Variants in AFDN observed in about 807,000 individuals in gnomAD.
AFDN encodes afadin, adherens junction formation factor, also known as afadin.
In AFDN, 68 loss-of-function variants were observed where a neutral mutation model predicts 216.6. The ratio of observed to expected loss-of-function variants is 0.31; its 90% CI spans 0.26 to 0.38. The LOEUF (loss-of-function observed/expected upper bound fraction) is 0.38. Ranked by LOEUF, AFDN falls within the 10% of genes least tolerant of loss-of-function variation. AFDN has a pLI of 1.00. For missense variants in AFDN, 2,136 were observed against 2,342.0 expected (o/e 0.91, Z 1.82); for synonymous variants, 868 against 853.7 (o/e 1.02, Z -0.29).
chr6:167,943,159 G>C lies in AFDN; in HGVS notation c.3130G>C (p.Val1044Leu), dbSNP rs1291047306. The change falls in exon 24 of 34, where the codon GTG becomes CTG. Residue 1044 changes from valine (V) to leucine (L), a missense_variant. This residue lies in a region of AFDN where 74 missense variants were observed against 98.8 expected (regional missense o/e 0.75). Coordinates refer to ENST00000683244, the MANE Select transcript of AFDN (RefSeq NM_001386888.1). Reference sequence around the variant, plus strand: ...TGGTCAAGATAAACTAGGAATCTATGTGAAGTCGGTTGTGAAAGGAGGTGC... The same window carrying C: ...TGGTCAAGATAAACTAGGAATCTATCTGAAGTCGGTTGTGAAAGGAGGTGC... ...GAGQDKLGIY[V>L]KSVVKGGAAD... The C allele has an allele frequency of 6.2e-7, 1 of 1,613,810 alleles. No individual in the cohort carries two copies. The highest frequency in any genetic ancestry group is 8.5e-7 in the Non-Finnish European group (1 of 1,179,924).
At chr6:167,955,081 T>G (rs1796360024) in intron 30 of AFDN, among the ~76,000 whole-genome samples, 1 of 152,182 alleles carries the variant, frequency 6.6e-6, no homozygotes, top group African/African-American at 2.4e-5. Context: ...ATTGTCATAT[T>G]GGGGAAGTTT....
At chr6:167,831,015 C>G (rs780597892) in intron 1 of AFDN, among the ~76,000 whole-genome samples, 7 of 137,566 alleles carry the variant, frequency 5.1e-5, no homozygotes, top group Non-Finnish European at 9.1e-5. Flanking sequence ...GATCTCAGCT[C>G]ATTACAACCT....
chr6:167,890,176 G>A (rs1024758938), intron 7 of AFDN, among the ~76,000 whole-genome samples: 2 of 152,222 alleles, frequency 1.3e-5, no homozygotes, highest in African/African-American at 2.4e-5. Context: ...AATGTAGATT[G>A]GTAGTTTTAA....
At chr6:167,886,184 T>C (rs1166209307) in intron 6 of AFDN, among the ~76,000 whole-genome samples, 1 of 152,102 alleles carries the variant, frequency 6.6e-6, no homozygotes, top group East Asian at 1.9e-4. Context: ...ACAGCAAAGC[T>C]CATTTCATTG....
chr6:167,896,589 C>T lies in AFDN; in HGVS notation c.1223-289C>T, dbSNP rs542930979. Among the ~76,000 whole-genome samples, 10 of 152,302 alleles carry T rather than the reference C, an allele frequency of 6.6e-5. No individual in the cohort carries two copies. In the South Asian group the frequency reaches 1.5e-3, roughly 22 times the overall value. ...GTTGCTCCTCAGAATCATTAACAAACGTCCAGGGCAGTGCGGTAGAGAAGC... is the reference window on the plus strand; with the variant it reads ...GTTGCTCCTCAGAATCATTAACAAATGTCCAGGGCAGTGCGGTAGAGAAGC... On this transcript the variant is annotated intron_variant, in intron 9 of 33. Transcript: ENST00000683244.
At chr6:167,835,812 A>G (rs1013227535) in intron 1 of AFDN, among the ~76,000 whole-genome samples, 1 of 152,188 alleles carries the variant, frequency 6.6e-6, no homozygotes, top group Non-Finnish European at 1.5e-5. Context: ...AGGGTCTCAG[A>G]GAACCTTGGG....
In AFDN at chr6:167,917,219, C is replaced by G. The variant is rs1791194031; in HGVS notation, c.2696C>G (p.Pro899Arg). 6.3e-7 allele frequency: 1 copy of G among 1,598,318 alleles called. No individual in the cohort carries two copies. The highest frequency in any genetic ancestry group is 8.5e-7 in the Non-Finnish European group (1 of 1,174,632). ...LQNYHCAPDE[P>R]FIPTDLIENV... ...AACTATCACTGTGCACCTGATGAGC[C>G]TTTTATCCCAACGGTGAGTGGATGT... The change falls in exon 20 of 34, where the codon CCT (proline) becomes CGT (arginine). Residue 899 changes from proline to arginine, a missense_variant. Around this residue, in one of 8 missense-constraint regions of AFDN, gnomAD observed 162 missense variants for 182.6 expected, o/e 0.89. Transcript: ENST00000683244.
chr6:167,923,868 G>A (rs1262998744), intron 22 of AFDN, among the ~76,000 whole-genome samples: 2 of 151,406 alleles, frequency 1.3e-5, no homozygotes, highest in Admixed American at 6.6e-5. Flanking sequence ...CAAATGATTC[G>A]CCCACCTCAG....
intron 23 of AFDN, among the ~76,000 whole-genome samples, chr6:167,928,076 C>T (rs1187544320): frequency 1.3e-5 from 2 of 152,164 alleles, no homozygotes; most frequent in African/African-American, 4.8e-5. Context: ...TCAGTGTCCA[C>T]CTCTTCCAGT....
chr6:167,827,345 C>CT lies in AFDN; in HGVS notation c.105+109dup, dbSNP rs1341404199. 90 of 102,110 alleles carry CT rather than the reference C, an allele frequency of 8.8e-4. 1 individual carries two copies. Among genetic ancestry groups the CT allele is most frequent in the Non-Finnish European group, 1.1e-3 (84 of 73,556 alleles). The allele number at this position is 102,110 out of a possible 1,614,324, so 6.3% of individuals were successfully genotyped here. On this transcript the variant is annotated intron_variant, in intron 1 of 33. Coordinates refer to ENST00000683244, the MANE Select transcript of AFDN (RefSeq NM_001386888.1). Reference sequence around the variant, plus strand: ...GCCGCGGACCCGCCCTCCTTTCCCCCTCCCCCCTCCGCCCCTTCTCTCCCC... The same window carrying CT: ...GCCGCGGACCCGCCCTCCTTTCCCCCTTCCCCCCTCCGCCCCTTCTCTCCCC...
At chr6:167,831,645 G>A (rs139326714) in intron 1 of AFDN, among the ~76,000 whole-genome samples, 215 of 152,308 alleles carry the variant, frequency 1.4e-3, no homozygotes, top group African/African-American at 4.8e-3. Flanking sequence ...AACTGTGATT[G>A]TGGTTAAATT....
chr6:167,847,893 C>T (rs986373899), intron 1 of AFDN, among the ~76,000 whole-genome samples: 23 of 152,086 alleles, frequency 1.5e-4, no homozygotes, highest in African/African-American at 5.3e-4. Context: ...TGTACCTTGA[C>T]CTACAAACCT....
At chr6:167,913,324 A>T in intron 15 of AFDN, 79 bp from the exon 16 acceptor site, 1 of 1,410,546 alleles carries the variant, frequency 7.1e-7, no homozygotes, top group Non-Finnish European at 9.7e-7. Flanking sequence ...TAGTGTTTTG[A>T]TTTTTTTAAA....
At chr6:167,829,542 C>T (rs976723798) in intron 1 of AFDN, among the ~76,000 whole-genome samples, 1 of 152,014 alleles carries the variant, frequency 6.6e-6, no homozygotes, top group Admixed American at 6.5e-5. Context: ...TGTACTGGTC[C>T]TTATCAGATG....
intron 23 of AFDN, among the ~76,000 whole-genome samples, chr6:167,933,055 A>G (rs1419139840): frequency 3.3e-5 from 5 of 152,228 alleles, no homozygotes; most frequent in African/African-American, 7.2e-5. Flanking sequence ...TTTAAATATG[A>G]TAACTGCCGC....
intron 30 of AFDN, among the ~76,000 whole-genome samples, chr6:167,953,954 T>C (rs1796257939): frequency 6.6e-6 from 1 of 152,262 alleles, no homozygotes. Flanking sequence ...CTTATTGTTA[T>C]AACTGTATCC....
intron 30 of AFDN, among the ~76,000 whole-genome samples, chr6:167,961,997 C>A (rs575549880): frequency 5.7e-4 from 87 of 152,270 alleles, no homozygotes; most frequent in African/African-American, 1.9e-3. Context: ...CCTCCCTCTT[C>A]TACAAGATAT....
Position 167,935,841 on chromosome 6 carries a change from G to A in AFDN, c.3100-7288G>A, listed in dbSNP as rs187515459. 7.9e-5 allele frequency among the ~76,000 whole-genome samples: 12 copies of A among 151,654 alleles called. No homozygotes were observed. The East Asian group carries it at 1.9e-3, about 24-fold the overall frequency. ...ATGTTAGCATGTAAATTATAGTATG[G>A]TAAAATCTTGTTTTTGCCATATTAT... On this transcript the variant is annotated intron_variant, in intron 23 of 33. Transcript: ENST00000683244.
chr6:167,890,887 G>A lies in AFDN; in HGVS notation c.1035G>A (p.Arg345=). ...DKGILVFQLK[R]RPPDHIPKKT... is the part of the protein sequence containing the mutation. ...GGATTTTAGTCTTTCAGTTGAAGAGGAGGCCACCAGACCACATCCCAAAGA... is the reference window on the plus strand; with the variant it reads ...GGATTTTAGTCTTTCAGTTGAAGAGAAGGCCACCAGACCACATCCCAAAGA... The change falls in exon 8 of 34, where the codon AGG becomes AGA. Residue 345 remains arginine (R), a synonymous_variant. Coordinates refer to ENST00000683244, the MANE Select transcript of AFDN (RefSeq NM_001386888.1). 1 of 1,613,266 alleles carries A rather than the reference G, an allele frequency of 6.2e-7. No individual in the cohort carries two copies. The highest frequency in any genetic ancestry group is 8.5e-7 in the Non-Finnish European group (1 of 1,179,582).
Sources: gnomAD v4.1 joint callset for allele counts (sites outside exome capture counted in the v4.1 genomes callset) on GRCh38, gnomAD v4.1.1 for gene constraint, gnomAD v4.1.1 regional missense constraint, MANE v1.5 for transcripts, NCBI Gene and HGNC (gene_info 2026-07-23, HGNC 2026-07-21) for gene names.